Variants in CACNA2D1 observed in about 807,000 individuals in gnomAD.
CACNA2D1 encodes calcium voltage-gated channel auxiliary subunit alpha2delta 1, also known as voltage-dependent calcium channel subunit alpha-2/delta-1.
A neutral mutation model predicts 171.5 loss-of-function variants in CACNA2D1; 53 were observed. The observed-to-expected ratio is 0.31, with a 90% CI of 0.25 to 0.39. The LOEUF (loss-of-function observed/expected upper bound fraction) is 0.39. Ranked by LOEUF, CACNA2D1 falls within the 10% of genes least tolerant of loss-of-function variation. The pLI is 1.00. For missense variants in CACNA2D1, 903 were observed against 1,299.8 expected, an observed-to-expected ratio of 0.69 and a Z score of 4.69; for synonymous variants, 442 against 443.1, an observed-to-expected ratio of 1.00 and a Z score of 0.03.
intron 3 of CACNA2D1, among the ~76,000 whole-genome samples, chr7:82,252,027 T>G (rs576642994): frequency 3.9e-5 from 6 of 152,324 alleles, no homozygotes; most frequent in African/African-American, 1.4e-4. Context: ...GAGATTTCAA[T>G]TTTTTATGTC....
At chr7:82,372,696 C>A (rs1822543885) in intron 1 of CACNA2D1, among the ~76,000 whole-genome samples, 1 of 151,834 alleles carries the variant, frequency 6.6e-6, no homozygotes, top group South Asian at 2.1e-4. Flanking sequence ...AGAGAAAAAT[C>A]TTGATAATTG....
intron 6 of CACNA2D1, among the ~76,000 whole-genome samples, chr7:82,103,468 A>G (rs1330751975): frequency 6.6e-6 from 1 of 152,068 alleles, no homozygotes; most frequent in Non-Finnish European, 1.5e-5. Context: ...TGGTTATGGC[A>G]TTTTTTTACA....
At chr7:82,394,683 T>C (rs1825589214) in intron 1 of CACNA2D1, among the ~76,000 whole-genome samples, 1 of 152,176 alleles carries the variant, frequency 6.6e-6, no homozygotes, top group African/African-American at 2.4e-5. Context: ...CCCAGAATCT[T>C]GTTTCATAAA....
chr7:82,374,582 C>T (rs188240229), intron 1 of CACNA2D1, among the ~76,000 whole-genome samples: 4 of 152,132 alleles, frequency 2.6e-5, no homozygotes, highest in Admixed American at 2.6e-4. Flanking sequence ...ACAATCAGTA[C>T]TAGAAGATCA....
Position 82,225,624 on chromosome 7 carries a change from A to C in CACNA2D1, c.295-55015T>G, listed in dbSNP as rs146358231. Among the ~76,000 whole-genome samples, 113 of 152,326 alleles carry C rather than the reference A, an allele frequency of 7.4e-4. 1 individual carries two copies. Among genetic ancestry groups the C allele is most frequent in the African/African-American group, 2.5e-3 (103 of 41,566 alleles). Reference sequence around the variant, plus strand: ...TGATATTTATATATTTTACACATATAAGTTTATATGGAAGACAAGTTTTGT... The same window carrying C: ...TGATATTTATATATTTTACACATATCAGTTTATATGGAAGACAAGTTTTGT... On this transcript the variant is annotated intron_variant, in intron 3 of 38. Coordinates refer to ENST00000356860, the MANE Select transcript of CACNA2D1 (RefSeq NM_000722.4).
Position 81,950,299 on chromosome 7 carries a change from T to C in CACNA2D1, c.*93A>G. On this transcript the variant is annotated 3_prime_UTR_variant, in exon 39 of 39. Transcript: ENST00000356860. ...CAGGCCCAGCTAATGTTTGTCTGAT[T>C]TTATAGCTGACCCTACGTTACTGTA... The C allele has an allele frequency of 6.2e-7, 1 of 1,609,990 alleles. No homozygotes were observed. The highest frequency in any genetic ancestry group is 8.5e-7 in the Non-Finnish European group (1 of 1,177,608).
chr7:82,173,634 A>G (rs1480896778), intron 3 of CACNA2D1, among the ~76,000 whole-genome samples: 3 of 152,060 alleles, frequency 2.0e-5, no homozygotes, highest in African/African-American at 7.2e-5. Flanking sequence ...TTACTTATAG[A>G]AAACCGACAT....
At chr7:82,149,323 A>G (rs1262000388) in intron 4 of CACNA2D1, among the ~76,000 whole-genome samples, 3 of 152,120 alleles carry the variant, frequency 2.0e-5, no homozygotes, top group Non-Finnish European at 4.4e-5. Context: ...ACCTAGAAAT[A>G]GACACTGAGA....
At chr7:82,438,668 C>T (rs919429237) in intron 1 of CACNA2D1, among the ~76,000 whole-genome samples, 4 of 152,272 alleles carry the variant, frequency 2.6e-5, no homozygotes, top group Admixed American at 2.0e-4. Context: ...TGGGAACAGT[C>T]GTGGTACTGC....
chr7:81,957,677 C>T (rs778122938), intron 38 of CACNA2D1, among the ~76,000 whole-genome samples: 1 of 152,038 alleles, frequency 6.6e-6, no homozygotes, highest in South Asian at 2.1e-4. Context: ...TCACAGTGAC[C>T]ATTGCAAATA....
At chr7:82,427,789 T>C (rs1829319597) in intron 1 of CACNA2D1, among the ~76,000 whole-genome samples, 1 of 152,218 alleles carries the variant, frequency 6.6e-6, no homozygotes, top group African/African-American at 2.4e-5. Flanking sequence ...ACTTCTCTTC[T>C]ATGCCATTAA....
chr7:82,069,661 T>C (rs1461078567), intron 7 of CACNA2D1, among the ~76,000 whole-genome samples: 1 of 152,104 alleles, frequency 6.6e-6, no homozygotes, highest in Non-Finnish European at 1.5e-5. Flanking sequence ...AGTACGCAGA[T>C]TTTAGTGCCA....
At chr7:82,212,819 G>T (rs1253941481) in intron 3 of CACNA2D1, among the ~76,000 whole-genome samples, 1 of 152,080 alleles carries the variant, frequency 6.6e-6, no homozygotes, top group African/African-American at 2.4e-5. Context: ...GATGAAACAA[G>T]TATTGCCTTG....
At chr7:82,158,365 C>G (rs1328333429) in intron 4 of CACNA2D1, among the ~76,000 whole-genome samples, 3 of 151,738 alleles carry the variant, frequency 2.0e-5, no homozygotes, top group African/African-American at 4.8e-5. Context: ...CACAATCAGT[C>G]TCAATGAAAT....
intron 38 of CACNA2D1, among the ~76,000 whole-genome samples, chr7:81,958,498 A>G (rs1793704551): frequency 6.6e-6 from 1 of 151,982 alleles, no homozygotes; most frequent in Non-Finnish European, 1.5e-5. Flanking sequence ...TTGAGAATAG[A>G]TTAATATTTC....
intron 3 of CACNA2D1, among the ~76,000 whole-genome samples, chr7:82,206,138 C>G (rs1429408091): frequency 6.6e-6 from 1 of 151,770 alleles, no homozygotes; most frequent in African/African-American, 2.4e-5. Flanking sequence ...TTTCTTTTTT[C>G]AATTTCTTGA....
chr7:82,087,498 T>C (rs868681366), intron 6 of CACNA2D1, among the ~76,000 whole-genome samples: 9 of 148,790 alleles, frequency 6.0e-5, no homozygotes, highest in African/African-American at 2.0e-4. Flanking sequence ...ATACCAAAAC[T>C]AGAAAGTAGG....
chr7:82,379,589 G>A (rs573324623), intron 1 of CACNA2D1, among the ~76,000 whole-genome samples: 1 of 152,210 alleles, frequency 6.6e-6, no homozygotes, highest in Admixed American at 6.5e-5. Flanking sequence ...GTTGTCCTGG[G>A]ATGCATTCAA....
chr7:82,117,015 C>G, intron 6 of CACNA2D1, 29 bp downstream of exon 6: 1 of 1,612,038 alleles, frequency 6.2e-7, no homozygotes, highest in South Asian at 1.1e-5. Flanking sequence ...GCATGGTATT[C>G]CAACAGATGT....
Sources: allele counts gnomAD v4.1 joint callset (sites outside exome capture counted in the v4.1 genomes callset), GRCh38; gene constraint gnomAD v4.1.1; transcripts MANE v1.5; gene names NCBI Gene and HGNC (gene_info 2026-07-23, HGNC 2026-07-21).